The following HS6ST3 variants were observed in gnomAD, a reference collection of about 807,000 sequenced individuals.
HS6ST3 encodes heparan sulfate 6-O-sulfotransferase 3, also known as heparan-sulfate 6-O-sulfotransferase 3.
In HS6ST3, 12 loss-of-function variants were observed where a neutral mutation model predicts 36.7. That is an observed-to-expected ratio of 0.33 (90% CI 0.21 to 0.53). The LOEUF (loss-of-function observed/expected upper bound fraction) is 0.53. Ranked by LOEUF, HS6ST3 falls within the 20% of genes least tolerant of loss-of-function variation. HS6ST3 has a pLI of 0.95. For missense variants in HS6ST3, 584 were observed against 640.9 expected, an observed-to-expected ratio of 0.91 and a Z score of 0.96; for synonymous variants, 240 against 257.5, an observed-to-expected ratio of 0.93 and a Z score of 0.65.
chr13:96,710,289 A>T (rs1594842098), intron 1 of HS6ST3, among the ~76,000 whole-genome samples: 1 of 152,246 alleles, frequency 6.6e-6, no homozygotes, highest in Non-Finnish European at 1.5e-5. Context: ...ATAAAGCAGG[A>T]CCTAGGCTGC....
At chr13:96,675,528 G>A (rs1372317351) in intron 1 of HS6ST3, among the ~76,000 whole-genome samples, 1 of 151,972 alleles carries the variant, frequency 6.6e-6, no homozygotes, top group Non-Finnish European at 1.5e-5. Context: ...AAACAAATGG[G>A]TGGGAATATT....
intron 1 of HS6ST3, among the ~76,000 whole-genome samples, chr13:96,296,468 A>T (rs768094910): frequency 2.6e-5 from 4 of 152,120 alleles, no homozygotes; most frequent in Non-Finnish European, 5.9e-5. Context: ...AAATCACAGG[A>T]ATAGACTCTT....
chr13:96,767,141 G>A (rs1009922544), intron 1 of HS6ST3, among the ~76,000 whole-genome samples: 7 of 152,244 alleles, frequency 4.6e-5, no homozygotes, highest in South Asian at 2.1e-4. Flanking sequence ...AATCCTATCC[G>A]TGATCTTTGT....
At chr13:96,776,025 G>T (rs1332083663) in intron 1 of HS6ST3, among the ~76,000 whole-genome samples, 1 of 152,104 alleles carries the variant, frequency 6.6e-6, no homozygotes, top group Non-Finnish European at 1.5e-5. Flanking sequence ...TAGAACTCAG[G>T]ATTAAGAAAT....
At chr13:96,348,379 G>T (rs1195641550) in intron 1 of HS6ST3, among the ~76,000 whole-genome samples, 1 of 152,190 alleles carries the variant, frequency 6.6e-6, no homozygotes, top group Non-Finnish European at 1.5e-5. Flanking sequence ...GAAAGCTGTG[G>T]GTTGTGTCGT....
At chr13:96,105,815 C>T (rs943882573) in intron 1 of HS6ST3, among the ~76,000 whole-genome samples, 1 of 152,114 alleles carries the variant, frequency 6.6e-6, no homozygotes, top group Non-Finnish European at 1.5e-5. Flanking sequence ...GTGAAGAATA[C>T]AAATTGAGTA....
chr13:96,551,781 C>T (rs1157574951), intron 1 of HS6ST3, among the ~76,000 whole-genome samples: 4 of 152,120 alleles, frequency 2.6e-5, no homozygotes, highest in African/African-American at 4.8e-5. Flanking sequence ...CACATCGCCA[C>T]CCGCCGGAGC....
At chr13:96,775,481 A>C (rs1381040669) in intron 1 of HS6ST3, among the ~76,000 whole-genome samples, 2 of 151,572 alleles carry the variant, frequency 1.3e-5, no homozygotes, top group African/African-American at 4.9e-5. Context: ...AAAGGGATGG[A>C]GGAAGATTTA....
At chr13:96,553,994 A>G (rs12372827) in intron 1 of HS6ST3, among the ~76,000 whole-genome samples, 37 of 152,244 alleles carry the variant, frequency 2.4e-4, no homozygotes, top group African/African-American at 7.7e-4. Flanking sequence ...GCGTGCGTGC[A>G]TGTGTGTGCG....
intron 1 of HS6ST3, among the ~76,000 whole-genome samples, chr13:96,628,862 T>C (rs1406200954): frequency 6.6e-6 from 1 of 152,042 alleles, no homozygotes; most frequent in Admixed American, 6.6e-5. Context: ...GATATATGTG[T>C]ATATTTGCAT....
At chr13:96,612,850 C>T (rs2056461204) in intron 1 of HS6ST3, among the ~76,000 whole-genome samples, 1 of 152,156 alleles carries the variant, frequency 6.6e-6, no homozygotes, top group Non-Finnish European at 1.5e-5. Flanking sequence ...CTGTTACTCT[C>T]TAACCTGGCT....
intron 1 of HS6ST3, among the ~76,000 whole-genome samples, chr13:96,338,491 A>T (rs1275371747): frequency 6.6e-6 from 1 of 152,144 alleles, no homozygotes; most frequent in Admixed American, 6.5e-5. Context: ...CTGGAGCATG[A>T]GAGGGGCAGT....
intron 1 of HS6ST3, among the ~76,000 whole-genome samples, chr13:96,759,288 T>C (rs1876908972): frequency 6.6e-6 from 1 of 151,912 alleles, no homozygotes; most frequent in Non-Finnish European, 1.5e-5. Flanking sequence ...CCATTTATTT[T>C]TAACATAATT....
chr13:96,416,317 A>C lies in HS6ST3; in HGVS notation c.707+324748A>C, dbSNP rs188363075. Among the ~76,000 whole-genome samples, 722 of 152,332 alleles carry C rather than the reference A, an allele frequency of 4.7e-3. 1 individual carries two copies. The highest frequency in any genetic ancestry group is 0.013 in the Admixed American group (200 of 15,296). ...AATATATTTGCAGTCAATTGAAAAA[A>C]ATATTTTTCATTTTAAGTGTCTTAA... On this transcript the variant is annotated intron_variant, in intron 1 of 1. Coordinates refer to ENST00000376705, the MANE Select transcript of HS6ST3 (RefSeq NM_153456.4).
chr13:96,649,795 C>T lies in HS6ST3; in HGVS notation c.708-182695C>T, dbSNP rs572721081. On this transcript the variant is annotated intron_variant, in intron 1 of 1. Coordinates refer to ENST00000376705, the MANE Select transcript of HS6ST3 (RefSeq NM_153456.4). ...TAAAAATATAGGTCAGATAATGTCACTCCCTGACTTGAATTCTCCAGTGCC... is the reference window on the plus strand; with the variant it reads ...TAAAAATATAGGTCAGATAATGTCATTCCCTGACTTGAATTCTCCAGTGCC... 2.6e-4 allele frequency among the ~76,000 whole-genome samples: 40 copies of T among 152,218 alleles called. 1 individual carries two copies. In the South Asian group the frequency reaches 7.9e-3, roughly 30 times the overall value.
intron 1 of HS6ST3, among the ~76,000 whole-genome samples, chr13:96,144,342 A>G (rs2036939735): frequency 6.6e-6 from 1 of 152,146 alleles, no homozygotes. Flanking sequence ...TCAGCTTCCA[A>G]ACTTTTGATG....
rs147723918 is a variant in HS6ST3 at position 96,177,314 on chromosome 13, A to G, written c.707+85745A>G. Among the ~76,000 whole-genome samples, 730 of 152,306 alleles carry G rather than the reference A, an allele frequency of 4.8e-3. 11 individuals are homozygous for G. In the East Asian group the frequency reaches 0.055, roughly 12 times the overall value. Reference sequence around the variant, plus strand: ...GTAAATCATTCTACCATAAAGACACATGCACATAAATGTTCATCACAGCAC... The same window carrying G: ...GTAAATCATTCTACCATAAAGACACGTGCACATAAATGTTCATCACAGCAC... On this transcript the variant is annotated intron_variant, in intron 1 of 1. Transcript: ENST00000376705.
At chr13:96,356,201 C>T (rs1016207836) in intron 1 of HS6ST3, among the ~76,000 whole-genome samples, 1 of 152,056 alleles carries the variant, frequency 6.6e-6, no homozygotes, top group Non-Finnish European at 1.5e-5. Context: ...AGGCTTGAAC[C>T]CTTCAAAGTC....
chr13:96,666,655 G>A (rs968129773), intron 1 of HS6ST3, among the ~76,000 whole-genome samples: 1 of 152,004 alleles, frequency 6.6e-6, no homozygotes, highest in East Asian at 1.9e-4. Context: ...TAACATAAAC[G>A]ATATGAACCA....
Sources: allele counts gnomAD v4.1 joint callset (sites outside exome capture counted in the v4.1 genomes callset), GRCh38; gene constraint gnomAD v4.1.1; transcripts MANE v1.5; gene names NCBI Gene and HGNC (gene_info 2026-07-23, HGNC 2026-07-21).